DLG2: variants seen among roughly 807,000 people sequenced by gnomAD.
The protein encoded by DLG2 is disks large homolog 2.
In DLG2, 45 loss-of-function variants were observed where a neutral mutation model predicts 132.5. That is an observed-to-expected ratio of 0.34 (90% confidence interval 0.27 to 0.44). The LOEUF (loss-of-function observed/expected upper bound fraction) is 0.44, where lower values mean the gene tolerates loss of function less well. Among genes scored for constraint, DLG2 ranks in the 20% least tolerant of loss-of-function variants. The pLI is 1.00. For synonymous variants in DLG2, 424 were observed against 419.6 expected, an observed-to-expected ratio of 1.01 and a Z score of -0.13; for missense variants, 1,045 against 1,196.9, an observed-to-expected ratio of 0.87 and a Z score of 1.87.
At chr11:85,600,799 TTCC>T (rs1197356342) in intron 2 of DLG2, among the ~76,000 whole-genome samples, 1 of 152,252 alleles carries the variant, frequency 6.6e-6, no homozygotes, top group East Asian at 1.9e-4. Context: ...GGACAAATAT[TTCC>T]TCAATTTCTG....
chr11:84,971,518 T>C (rs1306386269), intron 6 of DLG2, among the ~76,000 whole-genome samples: 3 of 152,172 alleles, frequency 2.0e-5, no homozygotes, highest in Admixed American at 2.0e-4. Context: ...TAGGAGAAAA[T>C]GAGTCCTTTT....
intron 21 of DLG2, among the ~76,000 whole-genome samples, chr11:83,517,309 G>A (rs1391755946): frequency 1.3e-5 from 2 of 151,986 alleles, no homozygotes; most frequent in South Asian, 4.2e-4. Flanking sequence ...CTAGTTGATC[G>A]AATTGGCTAC....
intron 15 of DLG2, among the ~76,000 whole-genome samples, chr11:83,928,517 T>C (rs2154128471): frequency 6.6e-6 from 1 of 152,048 alleles, no homozygotes; most frequent in African/African-American, 2.4e-5. Flanking sequence ...AAATATTTAC[T>C]GACACAGAGC....
intron 3 of DLG2, among the ~76,000 whole-genome samples, chr11:85,498,128 G>C (rs1215410046): frequency 6.6e-6 from 1 of 152,114 alleles, no homozygotes. Flanking sequence ...AAAAGACACA[G>C]ACTGGCAAAT....
At chr11:84,506,093 T>TTTTTTTTTTTA (rs1340448656) in intron 7 of DLG2, among the ~76,000 whole-genome samples, 16 of 144,044 alleles carry the variant, frequency 1.1e-4, no homozygotes, top group South Asian at 2.2e-4. Context: ...TTTTTTTTTT[T>TTTTTTTTTTTA]GAGACGGAGT....
At chr11:85,059,662 G>C (rs1426697925) in intron 6 of DLG2, among the ~76,000 whole-genome samples, 1 of 151,532 alleles carries the variant, frequency 6.6e-6, no homozygotes, top group Non-Finnish European at 1.5e-5. Flanking sequence ...AAATAAGCAA[G>C]GGGAAAAATA....
intron 3 of DLG2, among the ~76,000 whole-genome samples, chr11:85,302,343 A>T (rs2079638420): frequency 6.6e-6 from 1 of 152,228 alleles, no homozygotes; most frequent in African/African-American, 2.4e-5. Context: ...TTTGTTATTA[A>T]TCAAAGTATT....
intron 19 of DLG2, among the ~76,000 whole-genome samples, chr11:83,568,657 A>T (rs1016453339): frequency 6.6e-6 from 1 of 152,126 alleles, no homozygotes; most frequent in African/African-American, 2.4e-5. Flanking sequence ...CAACCAGAGG[A>T]AAATGTCACA....
chr11:84,979,066 T>C (rs1409210147), intron 6 of DLG2, among the ~76,000 whole-genome samples: 3 of 152,152 alleles, frequency 2.0e-5, no homozygotes, highest in African/African-American at 4.8e-5. Flanking sequence ...AAAATGCTCA[T>C]CATCACTGGG....
chr11:83,783,721 T>C (rs1305855081), intron 18 of DLG2, among the ~76,000 whole-genome samples: 2 of 152,120 alleles, frequency 1.3e-5, no homozygotes, highest in Non-Finnish European at 2.9e-5. Flanking sequence ...TAGCAAGATA[T>C]TCTTTCTCCC....
intron 3 of DLG2, among the ~76,000 whole-genome samples, chr11:85,433,882 A>G (rs1015638851): frequency 2.6e-5 from 4 of 152,222 alleles, no homozygotes; most frequent in African/African-American, 9.6e-5. Flanking sequence ...TCAGTGCCAC[A>G]TGGCATTTAC....
chr11:84,881,080 AG>A, intron 6 of DLG2, among the ~76,000 whole-genome samples: 1 of 152,148 alleles, frequency 6.6e-6, no homozygotes, highest in South Asian at 2.1e-4. Flanking sequence ...ACTGAAATAT[AG>A]AATTTGTCAT....
intron 7 of DLG2, among the ~76,000 whole-genome samples, chr11:84,283,211 T>C (rs189471107): frequency 2.8e-4 from 42 of 152,336 alleles, no homozygotes; most frequent in African/African-American, 9.9e-4. Flanking sequence ...AAAGCTACTT[T>C]CCCACATGGC....
In DLG2 at chr11:83,915,383, C is replaced by T. The variant is rs146759451; in HGVS notation, c.1496+14945G>A. 3.2e-4 allele frequency among the ~76,000 whole-genome samples: 49 copies of T among 152,180 alleles called. 1 individual carries two copies. The highest frequency in any genetic ancestry group is 6.8e-3 in the Middle Eastern group (2 of 294). On this transcript the variant is annotated intron_variant, in intron 15 of 27. Transcript: ENST00000376104. Reference sequence around the variant, plus strand: ...TGTAGTGTAGCAAAAGCAAACAAAACTAGGTTGAAATCTCAGCTCTGGTAG... The same window carrying T: ...TGTAGTGTAGCAAAAGCAAACAAAATTAGGTTGAAATCTCAGCTCTGGTAG...
At chr11:84,714,583 T>TTCTCTTTC (rs1565748848) in intron 6 of DLG2, among the ~76,000 whole-genome samples, 3 of 127,102 alleles carry the variant, frequency 2.4e-5, no homozygotes, top group African/African-American at 1.0e-4. Context: ...CTCTTTCTCT[T>TTCTCTTTC]TCTCTTTCTC....
chr11:84,517,467 A>G (rs2099277300), intron 7 of DLG2, among the ~76,000 whole-genome samples: 1 of 152,012 alleles, frequency 6.6e-6, no homozygotes. Flanking sequence ...ACTTATTAGA[A>G]TGGCTATCAT....
chr11:83,851,050 G>A (rs11233764), intron 16 of DLG2, among the ~76,000 whole-genome samples: 25,075 of 151,720 alleles, frequency 0.17, 2,527 homozygotes, highest in East Asian at 0.31. Flanking sequence ...GGTGGCGGGC[G>A]CCTGTAGTCC....
intron 3 of DLG2, among the ~76,000 whole-genome samples, chr11:85,312,851 A>G (rs2080403584): frequency 6.6e-6 from 1 of 152,002 alleles, no homozygotes; most frequent in Non-Finnish European, 1.5e-5. Flanking sequence ...CTTTGGCAAG[A>G]AAAACATTTA....
At chr11:84,888,018 A>C (rs2088630732) in intron 6 of DLG2, among the ~76,000 whole-genome samples, 1 of 152,178 alleles carries the variant, frequency 6.6e-6, no homozygotes, top group Non-Finnish European at 1.5e-5. Flanking sequence ...GTAATAAACA[A>C]CAACAACAAC....
Sources: gnomAD v4.1 joint callset for allele counts (sites outside exome capture counted in the v4.1 genomes callset) on GRCh38, gnomAD v4.1.1 for gene constraint, MANE v1.5 for transcripts, NCBI Gene and HGNC (gene_info 2026-07-23, HGNC 2026-07-21) for gene names.